Variants in SEZ6L observed in about 807,000 individuals in gnomAD.
SEZ6L encodes the protein seizure related 6 homolog like.
In SEZ6L, 37 loss-of-function variants were observed where a neutral mutation model predicts 106.2. The ratio of observed to expected loss-of-function variants is 0.35; its 90% confidence interval spans 0.27 to 0.46. SEZ6L has a LOEUF of 0.46. SEZ6L is among the 20% of genes least tolerant of loss of function. SEZ6L has a pLI of 1.00. For missense variants in SEZ6L, 1,172 were observed against 1,332.8 expected (o/e 0.88, Z 1.88); for synonymous variants, 541 against 570.4 (o/e 0.95, Z 0.73).
At chr22:26,240,655 A>G (rs908580668) in intron 1 of SEZ6L, among the ~76,000 whole-genome samples, 13 of 152,186 alleles carry the variant, frequency 8.5e-5, no homozygotes, top group African/African-American at 2.9e-4. Context: ...TGCATCATTC[A>G]TTCAGCATTA....
intron 1 of SEZ6L, among the ~76,000 whole-genome samples, chr22:26,210,441 C>T (rs909855796): frequency 2.0e-5 from 3 of 152,104 alleles, no homozygotes; most frequent in African/African-American, 7.2e-5. Flanking sequence ...GGGAACATAA[C>T]GCTCCTTTTA....
chr22:26,211,922 C>T (rs2078172430), intron 1 of SEZ6L, among the ~76,000 whole-genome samples: 1 of 151,378 alleles, frequency 6.6e-6, no homozygotes, highest in Admixed American at 6.6e-5. Flanking sequence ...TTCATGCCCA[C>T]CCAAAATAAA....
At chr22:26,189,751 A>G (rs763985873) in intron 1 of SEZ6L, among the ~76,000 whole-genome samples, 1 of 152,142 alleles carries the variant, frequency 6.6e-6, no homozygotes, top group Non-Finnish European at 1.5e-5. Flanking sequence ...CGAGTCTCAC[A>G]TGGATACTGG....
intron 5 of SEZ6L, among the ~76,000 whole-genome samples, chr22:26,299,816 C>T (rs6004992): frequency 0.46 from 69,146 of 151,932 alleles, 16,983 homozygotes; most frequent in African/African-American, 0.62. Flanking sequence ...GTGGATATGG[C>T]TTTCATTTCT....
intron 1 of SEZ6L, among the ~76,000 whole-genome samples, chr22:26,195,327 A>G (rs2145665781): frequency 6.6e-6 from 1 of 152,326 alleles, no homozygotes; most frequent in East Asian, 1.9e-4. Context: ...CCCAGCTTGG[A>G]AAGTCAGAGG....
chr22:26,324,954 G>A (rs574764430), intron 9 of SEZ6L, among the ~76,000 whole-genome samples: 18 of 152,238 alleles, frequency 1.2e-4, no homozygotes, highest in South Asian at 6.2e-4. Flanking sequence ...AGCTGGGCTC[G>A]CAGGTGGGTC....
intron 12 of SEZ6L, among the ~76,000 whole-genome samples, chr22:26,358,829 G>T (rs1250560733): frequency 6.6e-6 from 1 of 152,186 alleles, no homozygotes; most frequent in African/African-American, 2.4e-5. Context: ...GGGAAGAGGG[G>T]TGCTACCGGC....
At chr22:26,341,476 A>G (rs1044092818) in intron 10 of SEZ6L, among the ~76,000 whole-genome samples, 5 of 152,086 alleles carry the variant, frequency 3.3e-5, no homozygotes, top group Admixed American at 1.3e-4. Context: ...CCTCTCTTCC[A>G]GCTAGACTCA....
At chr22:26,373,866 G>A (rs1017031357) in intron 14 of SEZ6L, among the ~76,000 whole-genome samples, 1 of 152,172 alleles carries the variant, frequency 6.6e-6, no homozygotes, top group African/African-American at 2.4e-5. Flanking sequence ...TTTCCAGAGG[G>A]AAGAGTTTGC....
rs1323359877 is a variant in SEZ6L at position 26,382,151 on chromosome 22, G to T, written c.*1856G>T. The T allele has an allele frequency of 2.2e-6, 1 of 454,824 alleles. No individual in the cohort carries two copies. The highest frequency in any genetic ancestry group is 2.3e-5 in the Admixed American group (1 of 43,668). 28.2% of individuals were successfully genotyped at this position (454,824 alleles called of 1,614,324 possible). A position where few individuals can be genotyped will look rare whatever the true frequency, so the allele number is the denominator to read the frequency against. Reference sequence around the variant, plus strand: ...GGTCCATGGCAAGAAATAGCTAAAGGCTGCTTTCCAGGACCCAAAGCCCCA... The same window carrying T: ...GGTCCATGGCAAGAAATAGCTAAAGTCTGCTTTCCAGGACCCAAAGCCCCA... On this transcript the variant is annotated 3_prime_UTR_variant, in exon 17 of 17. Coordinates refer to ENST00000248933, the MANE Select transcript of SEZ6L (RefSeq NM_021115.5).
chr22:26,282,356 A>G (rs542389817), intron 1 of SEZ6L, among the ~76,000 whole-genome samples: 3 of 152,194 alleles, frequency 2.0e-5, no homozygotes, highest in Non-Finnish European at 2.9e-5. Context: ...GTACGTGTCA[A>G]TGACCACAAA....
intron 9 of SEZ6L, among the ~76,000 whole-genome samples, chr22:26,331,768 A>C (rs1436272514): frequency 1.3e-5 from 2 of 152,164 alleles, no homozygotes; most frequent in African/African-American, 2.4e-5. Context: ...GGATCACCTG[A>C]GGTCAGGAGT....
intron 1 of SEZ6L, among the ~76,000 whole-genome samples, chr22:26,170,408 A>G (rs1938505641): frequency 6.6e-6 from 1 of 152,074 alleles, no homozygotes. Flanking sequence ...GTTAGTTAGC[A>G]GTTGGGAACC....
At chr22:26,352,767 C>A (rs150758976) in intron 12 of SEZ6L, among the ~76,000 whole-genome samples, 95 of 152,286 alleles carry the variant, frequency 6.2e-4, no homozygotes, top group African/African-American at 2.2e-3. Flanking sequence ...TGATTCCTGG[C>A]AGGAAAACAA....
At chr22:26,170,183 C>G (rs1227515773) in intron 1 of SEZ6L, among the ~76,000 whole-genome samples, 1 of 151,932 alleles carries the variant, frequency 6.6e-6, no homozygotes, top group African/African-American at 2.4e-5. Context: ...GCTGACCCAC[C>G]CTGCAACTGA....
chr22:26,217,481 C>T (rs2078331506), intron 1 of SEZ6L, among the ~76,000 whole-genome samples: 1 of 152,186 alleles, frequency 6.6e-6, no homozygotes. Flanking sequence ...GCCTGATTAC[C>T]TTCTACTTCT....
Position 26,292,805 on chromosome 22 carries a change from G to A in SEZ6L, c.494G>A (p.Gly165Asp). 1.2e-6 allele frequency: 2 copies of A among 1,614,008 alleles called. No individual in the cohort carries two copies. The highest frequency in any genetic ancestry group is 1.7e-6 in the Non-Finnish European group (2 of 1,179,912). The change falls in exon 2 of 17, where the codon GGC becomes GAC. Residue 165 changes from glycine to aspartate, a missense_variant. By Grantham distance (94) the Gly-to-Asp change is moderately conservative (BLOSUM62 -1). Coordinates refer to ENST00000248933, the MANE Select transcript of SEZ6L (RefSeq NM_021115.5). ...DLLSSSTEKPGPPGDPDPIVA... is the reference protein window; with the variant it reads ...DLLSSSTEKPDPPGDPDPIVA... ...CTCTCCTCCTCCACGGAGAAGCCTG[G>A]CCCACCGGGGGACCCGGACCCCATC...
chr22:26,363,499 A>T (rs867672066), intron 12 of SEZ6L, among the ~76,000 whole-genome samples: 1 of 152,218 alleles, frequency 6.6e-6, no homozygotes, highest in Non-Finnish European at 1.5e-5. Context: ...AGCATATATG[A>T]GTTTAAAGCC....
intron 1 of SEZ6L, among the ~76,000 whole-genome samples, chr22:26,218,240 GTTTTGT>G (rs2078353678): frequency 6.6e-6 from 1 of 152,110 alleles, no homozygotes; most frequent in African/African-American, 2.4e-5. Flanking sequence ...TTGTTTGTTT[GTTTTGT>G]TTTTTTACTT....
Sources: gnomAD v4.1 joint callset for allele counts (sites outside exome capture counted in the v4.1 genomes callset) on GRCh38, gnomAD v4.1.1 for gene constraint, MANE v1.5 for transcripts, NCBI Gene and HGNC (gene_info 2026-07-23, HGNC 2026-07-21) for gene names.